Variants in EMCN observed in about 807,000 individuals in gnomAD.
EMCN encodes MUC-14.
A neutral mutation model predicts 38.4 loss-of-function variants in EMCN; 37 were observed. That is an observed-to-expected ratio of 0.96 (90% CI 0.74 to 1.27). EMCN has a LOEUF of 1.27. EMCN is among the 50% of genes most tolerant of loss of function. The pLI, the probability that EMCN is intolerant of heterozygous loss-of-function variation, is 0.00. For synonymous variants in EMCN, 95 were observed against 100.8 expected (o/e 0.94, Z 0.35); for missense variants, 318 against 302.8 (o/e 1.05, Z -0.37).
At chr4:100,472,561 G>A (rs556389443) in intron 3 of EMCN, among the ~76,000 whole-genome samples, 2 of 152,240 alleles carry the variant, frequency 1.3e-5, no homozygotes, top group East Asian at 3.9e-4. Context: ...CAGATTTAAT[G>A]CAATCCCTAT....
At chr4:100,457,533 T>C (rs1728053127) in intron 4 of EMCN, among the ~76,000 whole-genome samples, 1 of 152,176 alleles carries the variant, frequency 6.6e-6, no homozygotes, top group Non-Finnish European at 1.5e-5. Flanking sequence ...TTGTCAAATG[T>C]TTTTCTGCAA....
intron 3 of EMCN, among the ~76,000 whole-genome samples, chr4:100,470,378 TA>T (rs34533710): frequency 2.7e-5 from 4 of 145,644 alleles, no homozygotes; most frequent in Admixed American, 1.4e-4. Flanking sequence ...ACTAAAATGT[TA>T]AAAAAAAAAA....
chr4:100,442,692 T>G (rs543809916), intron 5 of EMCN, among the ~76,000 whole-genome samples: 1 of 152,246 alleles, frequency 6.6e-6, no homozygotes, highest in East Asian at 1.9e-4. Flanking sequence ...ATTGATTGAA[T>G]TCTTCAGCTT....
intron 4 of EMCN, among the ~76,000 whole-genome samples, chr4:100,450,680 A>G (rs1385429257): frequency 6.6e-6 from 1 of 151,970 alleles, no homozygotes; most frequent in Non-Finnish European, 1.5e-5. Flanking sequence ...CTAAGACTTT[A>G]TCATCCTGAG....
At chr4:100,513,016 T>C (rs753470942) in intron 1 of EMCN, among the ~76,000 whole-genome samples, 3 of 152,158 alleles carry the variant, frequency 2.0e-5, no homozygotes, top group Non-Finnish European at 4.4e-5. Flanking sequence ...GATGGGCAGT[T>C]GTCTAGTAAA....
intron 4 of EMCN, among the ~76,000 whole-genome samples, chr4:100,459,514 G>A (rs1489387863): frequency 6.6e-6 from 1 of 151,944 alleles, no homozygotes; most frequent in Non-Finnish European, 1.5e-5. Flanking sequence ...GTCTCCAGAA[G>A]GTATTCCTCC....
chr4:100,495,500 C>T (rs553117348), intron 1 of EMCN, among the ~76,000 whole-genome samples: 13 of 152,114 alleles, frequency 8.5e-5, no homozygotes, highest in African/African-American at 3.1e-4. Context: ...TGAAGACTAC[C>T]ATTAGAACAG....
Position 100,465,580 on chromosome 4 carries a change from A to G in EMCN, c.260-41T>C, listed in dbSNP as rs746262423. The G allele has an allele frequency of 4.7e-6, 5 of 1,055,514 alleles. No homozygotes were observed. The South Asian group carries it at 8.9e-5, about 19-fold the overall frequency. The allele number at this position is 1,055,514 out of a possible 1,614,324, so 65.4% of individuals were successfully genotyped here. A position where few individuals can be genotyped will look rare whatever the true frequency, so the allele number is the denominator to read the frequency against. On this transcript the variant is annotated intron_variant, in intron 3 of 11. Coordinates refer to ENST00000296420, the MANE Select transcript of EMCN (RefSeq NM_016242.4). ...ACAGTCATCAGGAGTATAACAAATC[A>G]CCAGATCATCTTATTAATATTCATA...
intron 5 of EMCN, 152 bp from the exon 6 acceptor site, chr4:100,423,556 T>C (rs1166910048): frequency 4.9e-6 from 3 of 612,932 alleles, no homozygotes; most frequent in Non-Finnish European, 8.8e-6. Flanking sequence ...CACTAAACCA[T>C]AAGTTCATCC....
At chr4:100,511,602 A>G (rs1729626108) in intron 1 of EMCN, among the ~76,000 whole-genome samples, 1 of 152,246 alleles carries the variant, frequency 6.6e-6, no homozygotes, top group South Asian at 2.1e-4. Context: ...GAATCTGTTT[A>G]GAATATTGTT....
chr4:100,462,913 G>T (rs1578210224), intron 4 of EMCN, among the ~76,000 whole-genome samples: 1 of 152,090 alleles, frequency 6.6e-6, no homozygotes, highest in African/African-American at 2.4e-5. Context: ...GACAAGAGTA[G>T]GTCTTGGATA....
chr4:100,400,190 A>T (rs1007760729), intron 11 of EMCN, among the ~76,000 whole-genome samples: 9 of 152,154 alleles, frequency 5.9e-5, no homozygotes, highest in Non-Finnish European at 1.3e-4. Context: ...CAGACATTTT[A>T]AAAAATACAA....
chr4:100,468,306 A>T (rs1022352817), intron 3 of EMCN, among the ~76,000 whole-genome samples: 6 of 152,164 alleles, frequency 3.9e-5, no homozygotes, highest in African/African-American at 1.2e-4. Context: ...GTTAACGTGT[A>T]ATTTATTTTG....
intron 11 of EMCN, among the ~76,000 whole-genome samples, chr4:100,403,713 C>T (rs1726319735): frequency 6.6e-6 from 1 of 152,224 alleles, no homozygotes; most frequent in Non-Finnish European, 1.5e-5. Flanking sequence ...ATTCCCTTTT[C>T]TCTACAACCT....
At chr4:100,419,360 G>A (rs182644873) in intron 8 of EMCN, among the ~76,000 whole-genome samples, 261 of 152,148 alleles carry the variant, frequency 1.7e-3, no homozygotes, top group African/African-American at 6.1e-3. Context: ...AATGATAACA[G>A]TGCTGTAAAT....
At chr4:100,483,989 G>A (rs1291064013) in intron 1 of EMCN, among the ~76,000 whole-genome samples, 1 of 152,114 alleles carries the variant, frequency 6.6e-6, no homozygotes, top group African/African-American at 2.4e-5. Flanking sequence ...CTGCTCTTGG[G>A]ATGTTGTAAG....
At chr4:100,424,368 C>G (rs995254993) in intron 5 of EMCN, among the ~76,000 whole-genome samples, 1 of 152,040 alleles carries the variant, frequency 6.6e-6, no homozygotes, top group African/African-American at 2.4e-5. Flanking sequence ...TGTCCACACA[C>G]CCAACATGGA....
At chr4:100,408,774 A>C (rs1326787191) in intron 11 of EMCN, among the ~76,000 whole-genome samples, 1 of 152,174 alleles carries the variant, frequency 6.6e-6, no homozygotes, top group Non-Finnish European at 1.5e-5. Context: ...GGACCTTGGC[A>C]TGCCACTCAG....
chr4:100,475,659 CTTTTTTTTTTTTTT>C (rs869169290), intron 2 of EMCN, among the ~76,000 whole-genome samples: 2 of 60,318 alleles, frequency 3.3e-5, no homozygotes, highest in African/African-American at 8.4e-5. Flanking sequence ...AATTCTAGTC[CTTTTTTTTTTTTTT>C]TTTTTTTTTT....
Sources: allele counts gnomAD v4.1 joint callset (sites outside exome capture counted in the v4.1 genomes callset), GRCh38; gene constraint gnomAD v4.1.1; transcripts MANE v1.5; gene names NCBI Gene and HGNC (gene_info 2026-07-23, HGNC 2026-07-21).